Variants in RDH5 observed in about 807,000 individuals in gnomAD.
RDH5 encodes retinol dehydrogenase 5.
Under a neutral mutation model 24.0 loss-of-function variants are expected in RDH5, and 25 were observed. The ratio of observed to expected loss-of-function variants is 1.04; its 90% CI spans 0.76 to 1.46. The LOEUF (loss-of-function observed/expected upper bound fraction) is 1.46, where lower values mean the gene tolerates loss of function less well. Ranked by LOEUF, RDH5 falls within the 40% of genes most tolerant of loss-of-function variation. The pLI, the probability that RDH5 is intolerant of heterozygous loss-of-function variation, is 0.00. For synonymous variants in RDH5, 170 were observed against 175.2 expected, an observed-to-expected ratio of 0.97 and a Z score of 0.23; for missense variants, 369 against 410.3, an observed-to-expected ratio of 0.90 and a Z score of 0.87.
chr12:55,722,960 T>G (rs1181954927), intron 3 of RDH5: 1 of 152,222 alleles, frequency 6.6e-6, no homozygotes, highest in African/African-American at 2.4e-5. Context: ...CAGCCTTAAT[T>G]TTTCAGGCAG....
chr12:55,723,848 G>A (rs1289382972), intron 3 of RDH5, 38 bp from the exon 4 acceptor site: 2 of 1,609,608 alleles, frequency 1.2e-6, no homozygotes, highest in Middle Eastern at 1.7e-4. Context: ...CTCCCTATAG[G>A]GCAAGAACCC....
chr12:55,723,753 G>A (rs1030607413), intron 3 of RDH5, 133 bp from the exon 4 acceptor site: 24 of 1,004,912 alleles, frequency 2.4e-5, no homozygotes, highest in African/African-American at 1.6e-5. Flanking sequence ...CCCTTGTCCC[G>A]GGGCAGTAGG....
At position 55,721,977 on chromosome 12, in the gene RDH5, A is replaced by G. The variant is rs761051335; in HGVS notation, c.569+30A>G. ...GGGGTACAGGGCTCTGGGTTCCAGG[A>G]CTAACAGCAGCCCACTCAACAAACG... On this transcript the variant is annotated intron_variant, in intron 3 of 4. Transcript: ENST00000257895. The surrounding 1 kb of genome is among the most constrained non-coding windows in gnomAD (Gnocchi z 4.7). The G allele has an allele frequency of 2.2e-5, 36 of 1,608,034 alleles. No homozygotes were observed. The highest frequency in any genetic ancestry group is 3.3e-5 in the South Asian group (3 of 90,224).
chr12:55,722,930 C>A (rs1031261662), intron 3 of RDH5: 3 of 152,234 alleles, frequency 2.0e-5, no homozygotes, highest in Admixed American at 1.3e-4. Flanking sequence ...CAGCAAATAA[C>A]CTGAATGTCT....
chr12:55,724,632 C>A lies in RDH5; in HGVS notation c.*87C>A. 1.7e-6 allele frequency: 2 copies of A among 1,199,120 alleles called. No homozygotes were observed. The highest frequency in any genetic ancestry group is 2.4e-6 in the Non-Finnish European group (2 of 823,846). 74.3% of individuals were successfully genotyped at this position (1,199,120 alleles called of 1,614,324 possible). On this transcript the variant is annotated 3_prime_UTR_variant, in exon 5 of 5. Coordinates refer to ENST00000257895, the MANE Select transcript of RDH5 (RefSeq NM_002905.5). ...CACCCTGGTACTGCCTGGTGCCTGC[C>A]ACAAAATAAGCACTAACAAAAGTGT...
chr12:55,720,883 CAAAAAA>C (rs4016511), intron 1 of RDH5: 45 of 100,350 alleles, frequency 4.5e-4, no homozygotes, highest in East Asian at 7.1e-4. Flanking sequence ...GACTCCATCT[CAAAAAA>C]AAAAAAAAAA....
chr12:55,722,661 G>A (rs986651171), intron 3 of RDH5: 1 of 151,812 alleles, frequency 6.6e-6, no homozygotes, highest in Non-Finnish European at 1.5e-5. Flanking sequence ...TCAGCCTCCC[G>A]ATTAGCTGGG....
Position 55,721,659 on chromosome 12 carries a change from A to G in RDH5, c.311-30A>G. On this transcript the variant is annotated intron_variant, in intron 2 of 4. Transcript: ENST00000257895. The surrounding 1 kb of genome is among the most constrained non-coding windows in gnomAD (Gnocchi z 4.7). ...AGGGAGCTGTGGGAGTGCCTCACCT[A>G]CCCCCAGCATCCTTTTCATCTCCCC... 2 of 1,604,842 alleles carry G rather than the reference A, an allele frequency of 1.2e-6. No individual in the cohort carries two copies. Among genetic ancestry groups the G allele is most frequent in the Non-Finnish European group, 1.7e-6 (2 of 1,179,848 alleles).
chr12:55,721,397 G>T lies in RDH5; in HGVS notation c.213G>T (p.Val71=). 3.1e-6 allele frequency: 5 copies of T among 1,613,844 alleles called. No individual in the cohort carries two copies. The highest frequency in any genetic ancestry group is 1.1e-5 in the South Asian group (1 of 91,084). The stretch of plus-strand genomic sequence containing the variant: ...CCGGGGCCGAGGACCTGCAGCGGGT[G>T]GCCTCCTCCCGCCTCCACACCACCC... ...TPSGAEDLQR[V]ASSRLHTTLL... The change falls in exon 2 of 5, where the codon GTG becomes GTT. Residue 71 remains valine, a synonymous_variant. Transcript: ENST00000257895. This position sits in a 1 kb window ranked among gnomAD's most constrained non-coding sequence, Gnocchi z 4.7.
intron 3 of RDH5, 154 bp downstream of exon 3, chr12:55,722,101 T>A: frequency 1.4e-6 from 1 of 727,480 alleles, no homozygotes; most frequent in Non-Finnish European, 2.2e-6. Context: ...TACCCTTATG[T>A]AAGCTTTGTG....
intron 3 of RDH5, 153 bp downstream of exon 3, chr12:55,722,100 G>A (rs943495308): frequency 4.1e-6 from 3 of 728,348 alleles, no homozygotes; most frequent in Non-Finnish European, 4.4e-6. Flanking sequence ...CTACCCTTAT[G>A]TAAGCTTTGT....
Position 55,721,115 on chromosome 12 carries a change from G to A in RDH5, c.-32-38G>A, listed in dbSNP as rs2136138608. ...GGGTATTAGGGGAAAGGGCTTGAGG[G>A]CCACAGTAAACTGGACAAGTTTTTC... On this transcript the variant is annotated intron_variant, in intron 1 of 4. Coordinates refer to ENST00000257895, the MANE Select transcript of RDH5 (RefSeq NM_002905.5). This position sits in a 1 kb window ranked among gnomAD's most constrained non-coding sequence, Gnocchi z 4.7. The A allele has an allele frequency of 7.1e-7, 1 of 1,414,524 alleles. No individual in the cohort carries two copies. 87.6% of individuals were successfully genotyped at this position (1,414,524 alleles called of 1,614,324 possible). A position where few individuals can be genotyped will look rare whatever the true frequency, so the allele number is the denominator to read the frequency against.
In RDH5 at chr12:55,721,259, C is replaced by T. The variant is rs528665265; in HGVS notation, c.75C>T (p.Pro25=). 2.2e-5 allele frequency: 36 copies of T among 1,614,066 alleles called. No homozygotes were observed. The South Asian group carries it at 2.3e-4, about 10-fold the overall frequency. Residue 25 remains proline, a synonymous_variant, in exon 2 of 5, where the codon CCC becomes CCT. Transcript: ENST00000257895. This position sits in a 1 kb window ranked among gnomAD's most constrained non-coding sequence, Gnocchi z 4.7. ...TGCTCAGGGACCGGCAGAGCCTGCC[C>T]GCCAGCAATGCCTTTGTCTTCATCA... ...LWLLRDRQSL[P]ASNAFVFITG... is the part of the protein sequence containing the mutation.
chr12:55,722,162 G>GT, intron 3 of RDH5: 2 of 581,736 alleles, frequency 3.4e-6, no homozygotes, highest in Non-Finnish European at 5.9e-6. Context: ...TTTGTTTTTT[G>GT]TTTTTTGAGA....
rs1565656005 is a variant in RDH5, at chr12:55,724,416, C to T, written c.828C>T (p.His276=). 2 of 1,614,188 alleles carry T rather than the reference C, an allele frequency of 1.2e-6. No individual in the cohort carries two copies. Among genetic ancestry groups the T allele is most frequent in the African/African-American group, 2.7e-5 (2 of 75,048 alleles). ...RCLEHALTAR[H]PRTRYSPGWD... is the part of the protein sequence containing the mutation. Reference sequence around the variant, plus strand: ...TGGAGCATGCCCTGACTGCTCGACACCCCCGAACCCGCTACAGCCCAGGTT... The same window carrying T: ...TGGAGCATGCCCTGACTGCTCGACATCCCCGAACCCGCTACAGCCCAGGTT... The change falls in exon 5 of 5, where the codon CAC becomes CAT. Residue 276 remains histidine, a synonymous_variant. Transcript: ENST00000257895.
At position 55,721,615 on chromosome 12, in the gene RDH5, A is replaced by C; in HGVS notation, c.311-74A>C. 1 of 1,596,956 alleles carries C rather than the reference A, an allele frequency of 6.3e-7. No homozygotes were observed. Among genetic ancestry groups the C allele is most frequent in the East Asian group, 2.2e-5 (1 of 44,860 alleles). On this transcript the variant is annotated intron_variant, in intron 2 of 4. Transcript: ENST00000257895. This position sits in a 1 kb window ranked among gnomAD's most constrained non-coding sequence, Gnocchi z 4.7. ...GACAATTTGAGGAGAAGCAGTTTTC[A>C]GATGCTCCCAGGAAGAAGAGGGAGC...
Position 55,721,676 on chromosome 12 carries a change from C to A in RDH5, c.311-13C>A. 6.2e-7 allele frequency: 1 copy of A among 1,608,268 alleles called. No homozygotes were observed. Among genetic ancestry groups the A allele is most frequent in the South Asian group, 1.1e-5 (1 of 91,080 alleles). Reference sequence around the variant, plus strand: ...CCTCACCTACCCCCAGCATCCTTTTCATCTCCCCACAGGGCTTTTTGGTCT... The same window carrying A: ...CCTCACCTACCCCCAGCATCCTTTTAATCTCCCCACAGGGCTTTTTGGTCT... On this transcript the variant is annotated splice_polypyrimidine_tract_variant and intron_variant, in intron 2 of 4. Coordinates refer to ENST00000257895, the MANE Select transcript of RDH5 (RefSeq NM_002905.5). The surrounding 1 kb of genome is among the most constrained non-coding windows in gnomAD (Gnocchi z 4.7).
rs1345933715 is a variant in RDH5, at chr12:55,721,403, C to T, written c.219C>T (p.Ser73=). Residue 73 remains serine (S), a synonymous_variant, in exon 2 of 5, where the codon TCC becomes TCT. Transcript: ENST00000257895. The surrounding 1 kb of genome is among the most constrained non-coding windows in gnomAD (Gnocchi z 4.7). The part of the protein sequence containing the change: ...SGAEDLQRVA[S]SRLHTTLLDI... The stretch of plus-strand genomic sequence containing the variant: ...CCGAGGACCTGCAGCGGGTGGCCTC[C>T]TCCCGCCTCCACACCACCCTGTTGG... The T allele has an allele frequency of 6.2e-7, 1 of 1,613,770 alleles. No homozygotes were observed. Among genetic ancestry groups the T allele is most frequent in the Non-Finnish European group, 8.5e-7 (1 of 1,180,038 alleles).
chr12:55,721,835 C>G lies in RDH5; in HGVS notation c.457C>G (p.Gln153Glu). ...CCTTGCCCTGCTGCCTCTGCTGCAG[C>G]AAGCCCGGGGCCGGGTGATCAACAT... ...VTLALLPLLQ[Q>E]ARGRVINITS... is the part of the protein sequence containing the mutation. Residue 153 changes from glutamine to glutamate, a missense_variant, in exon 3 of 5, where the codon CAA (glutamine) becomes GAA (glutamate). Transcript: ENST00000257895. This position sits in a 1 kb window ranked among gnomAD's most constrained non-coding sequence, Gnocchi z 4.7. 6.2e-7 allele frequency: 1 copy of G among 1,614,120 alleles called. No homozygotes were observed. Among genetic ancestry groups the G allele is most frequent in the Non-Finnish European group, 8.5e-7 (1 of 1,180,032 alleles).
Sources: allele counts gnomAD v4.1 joint callset, GRCh38; gene constraint gnomAD v4.1.1; non-coding constraint Gnocchi (gnomAD v3.1); transcripts MANE v1.5; gene names NCBI Gene and HGNC (gene_info 2026-07-23, HGNC 2026-07-21).